The following SERINC2 variants were observed in gnomAD, a reference collection of about 807,000 sequenced individuals.
SERINC2 encodes the protein serine incorporator 2.
A neutral mutation model predicts 54.2 loss-of-function variants in SERINC2; 56 were observed. The ratio of observed to expected loss-of-function variants is 1.03; its 90% CI spans 0.83 to 1.29. SERINC2 has a LOEUF of 1.29. SERINC2 is among the 50% of genes most tolerant of loss of function. SERINC2 has a pLI of 0.00. For missense variants in SERINC2, 614 were observed against 607.4 expected (o/e 1.01, Z -0.12); for synonymous variants, 272 against 253.1 (o/e 1.07, Z -0.71).
chr1:31,431,847 G>A (rs1553134546), intron 8 of SERINC2, among the ~76,000 whole-genome samples: 3 of 147,490 alleles, frequency 2.0e-5, no homozygotes, highest in African/African-American at 7.5e-5. Context: ...TGGATAGGGT[G>A]GATAGGGTGG....
chr1:31,432,231 G>GGTGGATAGGGTGGTTA (rs1641318155), intron 8 of SERINC2, among the ~76,000 whole-genome samples: 1 of 151,146 alleles, frequency 6.6e-6, no homozygotes. Context: ...GGGTGGATAG[G>GGTGGATAGGGTGGTTA]GACCCACTGA....
chr1:31,414,715 T>A, intron 1 of SERINC2: 1 of 985,264 alleles, frequency 1.0e-6, no homozygotes, highest in Non-Finnish European at 1.2e-6. Context: ...CCAACAAGGG[T>A]TTGCTTCCTG....
At position 31,425,756 on chromosome 1, in the gene SERINC2, A is replaced by T; in HGVS notation, c.473-20A>T. On this transcript the variant is annotated intron_variant, in intron 4 of 9. Transcript: ENST00000373709. ...GTGAGAGAGGGACCCTCCTCGCCTC[A>T]CTCCCCTCTCCCCACCCAGTCTGGT... The T allele has an allele frequency of 1.2e-6, 2 of 1,607,966 alleles. No individual in the cohort carries two copies. The highest frequency in any genetic ancestry group is 1.7e-6 in the Non-Finnish European group (2 of 1,177,872).
intron 1 of SERINC2, 51 bp from the exon 2 acceptor site, chr1:31,423,642 C>G: frequency 6.3e-7 from 1 of 1,575,508 alleles, no homozygotes; most frequent in East Asian, 2.3e-5. Flanking sequence ...GTGAGAGGTG[C>G]GCGCTTGGGC....
In SERINC2 at chr1:31,413,849, C is replaced by T; in HGVS notation, c.39+545C>T. On this transcript the variant is annotated intron_variant, in intron 1 of 9. Coordinates refer to ENST00000373709, the MANE Select transcript of SERINC2 (RefSeq NM_178865.5). The surrounding 1 kb of genome is among the most constrained non-coding windows in gnomAD (Gnocchi z 5.0). The stretch of plus-strand genomic sequence containing the variant: ...GTTCCTGTCTGTGTCCGTCGTTCGT[C>T]CGACTGTCTTTGTCCGTCTGCTGTC... 1 of 1,413,942 alleles carries T rather than the reference C, an allele frequency of 7.1e-7. No homozygotes were observed. The highest frequency in any genetic ancestry group is 9.2e-7 in the Non-Finnish European group (1 of 1,089,966). 87.6% of individuals were successfully genotyped at this position (1,413,942 alleles called of 1,614,324 possible).
intron 2 of SERINC2, among the ~76,000 whole-genome samples, chr1:31,424,155 TC>T: frequency 6.6e-6 from 1 of 152,180 alleles, no homozygotes; most frequent in South Asian, 2.1e-4. Context: ...TCCTAACTCT[TC>T]CCTTCATCTC....
Position 31,429,079 on chromosome 1 carries a change from G to A in SERINC2, c.871+11G>A, listed in dbSNP as rs782118977. The A allele has an allele frequency of 1.2e-6, 2 of 1,610,060 alleles. No homozygotes were observed. Among genetic ancestry groups the A allele is most frequent in the East Asian group, 2.2e-5 (1 of 44,848 alleles). ...TATCCAGTATCCCTGGTAAGTATGG[G>A]CCCAGGCTCAAGGAGGCCTGGCCTC... On this transcript the variant is annotated intron_variant, in intron 7 of 9. Transcript: ENST00000373709.
chr1:31,410,084 A>G, upstream of SERINC2: 1 of 1,199,874 alleles, frequency 8.3e-7, no homozygotes, highest in Non-Finnish European at 1.1e-6. Context: ...TGTTTATTTC[A>G]AGGGACATGG....
chr1:31,430,620 C>T (rs1641169203), intron 8 of SERINC2, among the ~76,000 whole-genome samples: 1 of 152,130 alleles, frequency 6.6e-6, no homozygotes, highest in South Asian at 2.1e-4. Flanking sequence ...TTAAGTGTTG[C>T]ATATTATTGT....
chr1:31,432,454 G>C (rs1451813089), intron 8 of SERINC2, among the ~76,000 whole-genome samples: 2 of 152,002 alleles, frequency 1.3e-5, no homozygotes, highest in Admixed American at 1.3e-4. Flanking sequence ...ATGAAGGAAA[G>C]GGAGGCCATT....
chr1:31,427,342 G>A (rs1641073615), intron 6 of SERINC2, among the ~76,000 whole-genome samples: 1 of 152,162 alleles, frequency 6.6e-6, no homozygotes, highest in African/African-American at 2.4e-5. Flanking sequence ...AAGTACCGCT[G>A]GAGCCCCTTG....
At chr1:31,418,673 A>G (rs1434856839) in intron 1 of SERINC2, among the ~76,000 whole-genome samples, 2 of 152,082 alleles carry the variant, frequency 1.3e-5, no homozygotes, top group African/African-American at 4.8e-5. Flanking sequence ...CCACGCCCAG[A>G]CAGCCAGTTT....
intron 1 of SERINC2, among the ~76,000 whole-genome samples, chr1:31,420,377 C>G (rs1428992478): frequency 1.3e-5 from 2 of 152,152 alleles, no homozygotes; most frequent in African/African-American, 4.8e-5. Context: ...AGGCCAAGCT[C>G]TCTGAAAGCG....
intron 8 of SERINC2, 81 bp downstream of exon 8, chr1:31,429,619 A>G: frequency 1.4e-6 from 2 of 1,441,160 alleles, no homozygotes; most frequent in Non-Finnish European, 1.9e-6. Context: ...GGGAGCCAGG[A>G]TACCAAACTG....
chr1:31,433,092 A>G lies in SERINC2; in HGVS notation c.1139A>G (p.Glu380Gly). 4 of 1,613,630 alleles carry G rather than the reference A, an allele frequency of 2.5e-6. No individual in the cohort carries two copies. The highest frequency in any genetic ancestry group is 3.4e-6 in the Non-Finnish European group (4 of 1,180,014). The change falls in exon 9 of 10, where the codon GAG becomes GGG. Residue 380 changes from glutamate to glycine, a missense_variant. Physicochemically the swap from Glu to Gly is moderately conservative, Grantham distance 98. Coordinates refer to ENST00000373709, the MANE Select transcript of SERINC2 (RefSeq NM_178865.5). ...AACEGRAFDN[E>G]QDGVTYSYSF... ...TGTGAGGGCCGGGCCTTTGACAACG[A>G]GCAGGACGGCGTCACCTACAGCTAC...
At chr1:31,426,025 A>G (rs1641033255) in intron 5 of SERINC2, 112 bp downstream of exon 5, 3 of 1,135,616 alleles carry the variant, frequency 2.6e-6, no homozygotes, top group Non-Finnish European at 3.7e-6. Flanking sequence ...CATCCCTAGC[A>G]GCCACTGCCT....
Position 31,413,748 on chromosome 1 carries a change from G to GCCCTA in SERINC2, c.39+448_39+452dup. 2 of 1,373,290 alleles carry GCCCTA rather than the reference G, an allele frequency of 1.5e-6. No individual in the cohort carries two copies. The highest frequency in any genetic ancestry group is 1.9e-6 in the Non-Finnish European group (2 of 1,070,274). The allele number at this position is 1,373,290 out of a possible 1,614,324, so 85.1% of individuals were successfully genotyped here. A position where few individuals can be genotyped will look rare whatever the true frequency, so the allele number is the denominator to read the frequency against. ...CCCCGTCCCTCCTGGCGAGTGCCCTGCCCTACCCCTCTGGCCGCCTGCCAG... is the reference window on the plus strand; with the variant it reads ...CCCCGTCCCTCCTGGCGAGTGCCCTGCCCTACCCTACCCCTCTGGCCGCCTGCCAG... On this transcript the variant is annotated intron_variant, in intron 1 of 9. Transcript: ENST00000373709. The surrounding 1 kb of genome is among the most constrained non-coding windows in gnomAD (Gnocchi z 5.0).
Position 31,429,553 on chromosome 1 carries a change from G to A in SERINC2, c.1013+15G>A. 6.3e-7 allele frequency: 1 copy of A among 1,582,674 alleles called. No homozygotes were observed. The highest frequency in any genetic ancestry group is 1.1e-5 in the South Asian group (1 of 87,300). ...CTCTTCATCAGGTATGGCCAGGTCT[G>A]GATTCTGGGGAAGGATCATGATTGA... On this transcript the variant is annotated intron_variant, in intron 8 of 9. Coordinates refer to ENST00000373709, the MANE Select transcript of SERINC2 (RefSeq NM_178865.5).
In SERINC2 at chr1:31,424,854, C is replaced by T. The variant is rs572390049; in HGVS notation, c.373C>T (p.Arg125Trp). 79 of 1,611,500 alleles carry T rather than the reference C, an allele frequency of 4.9e-5. No individual in the cohort carries two copies. The highest frequency in any genetic ancestry group is 6.4e-5 in the Non-Finnish European group (75 of 1,179,418). ...CTGCGTGAGCAGCAGCCGGGACCCC[C>T]GGGCTGCCATCCAGAATGGGTGAGA... ...MLCVSSSRDP[R>W]AAIQNGFWFF... Residue 125 changes from arginine to tryptophan, a missense_variant, in exon 3 of 10, where the codon CGG (arginine) becomes TGG (tryptophan). By Grantham distance (101) the Arg-to-Trp change is moderately radical. Transcript: ENST00000373709.
Sources: gnomAD v4.1 joint callset for allele counts (sites outside exome capture counted in the v4.1 genomes callset) on GRCh38, gnomAD v4.1.1 for gene constraint, Gnocchi (gnomAD v3.1) non-coding constraint, MANE v1.5 for transcripts, NCBI Gene and HGNC (gene_info 2026-07-23, HGNC 2026-07-21) for gene names.